Variants in DYNC2LI1 observed in about 807,000 individuals in gnomAD.
DYNC2LI1 encodes dynein cytoplasmic 2 light intermediate chain 1.
A neutral mutation model predicts 51.9 loss-of-function variants in DYNC2LI1; 45 were observed. That is an observed-to-expected ratio of 0.87 (90% confidence interval 0.68 to 1.11). DYNC2LI1 has a LOEUF of 1.11. DYNC2LI1 is among the 50% of genes most tolerant of loss of function. DYNC2LI1 has a pLI of 0.00. For missense variants in DYNC2LI1, 490 were observed against 417.4 expected, an observed-to-expected ratio of 1.17 and a Z score of -1.51; for synonymous variants, 130 against 137.8, an observed-to-expected ratio of 0.94 and a Z score of 0.40.
At chr2:43,793,868 T>C (rs1218414795) in intron 5 of DYNC2LI1, 2 of 152,900 alleles carry the variant, frequency 1.3e-5, no homozygotes, top group Non-Finnish European at 2.9e-5. Context: ...AGGAGTGTGC[T>C]TTCAGAGAGA....
At chr2:43,796,323 A>T (rs1266707593) in intron 7 of DYNC2LI1, among the ~76,000 whole-genome samples, 1 of 146,198 alleles carries the variant, frequency 6.8e-6, no homozygotes, top group South Asian at 2.1e-4. Context: ...ACACAGTGAG[A>T]CACTTGTCTC....
chr2:43,815,125 G>A, the DYNC2LI1 span, among the ~76,000 whole-genome samples: 1 of 152,178 alleles, frequency 6.6e-6, no homozygotes, highest in African/African-American at 2.4e-5. Flanking sequence ...AGGTACCAAC[G>A]TAGAAAGTTA....
At chr2:43,824,892 A>G in the DYNC2LI1 span, 4 of 1,614,038 alleles carry the variant, frequency 2.5e-6, no homozygotes, top group Admixed American at 6.7e-5. Context: ...AACTTACTAT[A>G]GAAGTCAAAA....
At chr2:43,814,472 C>G (rs766272756), downstream of DYNC2LI1, 1 of 1,572,220 alleles carries the variant, frequency 6.4e-7, no homozygotes, top group Non-Finnish European at 8.8e-7. Flanking sequence ...AAATAGAATA[C>G]TTACCACAAG....
Position 43,800,351 on chromosome 2 carries a change from G to A in DYNC2LI1, c.655-490G>A, listed in dbSNP as rs1009560041. On this transcript the variant is annotated intron_variant, in intron 8 of 12. Transcript: ENST00000260605. ...TAAAAAATTACCTTAGTGAGTATCAGCATCATTAGACCAGTCTGCAGTCCC... is the reference window on the plus strand; with the variant it reads ...TAAAAAATTACCTTAGTGAGTATCAACATCATTAGACCAGTCTGCAGTCCC... 3.9e-5 allele frequency among the ~76,000 whole-genome samples: 6 copies of A among 152,188 alleles called. No homozygotes were observed. The South Asian group carries it at 1.2e-3, about 31-fold the overall frequency.
chr2:43,781,733 G>A (rs1002807193), intron 2 of DYNC2LI1: 2 of 151,232 alleles, frequency 1.3e-5, no homozygotes, highest in African/African-American at 4.9e-5. Context: ...CTCCCAAGTT[G>A]CTGGGACTGC....
At chr2:43,785,104 C>T (rs1478789553) in intron 3 of DYNC2LI1, among the ~76,000 whole-genome samples, 1 of 151,900 alleles carries the variant, frequency 6.6e-6, no homozygotes, top group African/African-American at 2.4e-5. Context: ...TCAAGACCAG[C>T]TTGGCCAACA....
At chr2:43,796,642 C>G (rs1674049141) in intron 7 of DYNC2LI1, 76 bp from the exon 8 acceptor site, 2 of 1,058,422 alleles carry the variant, frequency 1.9e-6, no homozygotes, top group East Asian at 2.5e-5. Context: ...ATAATCTATT[C>G]TACATTTAAT....
chr2:43,802,842 G>C (rs1436035720), intron 10 of DYNC2LI1, among the ~76,000 whole-genome samples: 1 of 152,142 alleles, frequency 6.6e-6, no homozygotes, highest in Admixed American at 6.5e-5. Context: ...AATCCAATTA[G>C]AAAGTGGGCA....
At chr2:43,795,573 A>G (rs1037721616) in intron 6 of DYNC2LI1, among the ~76,000 whole-genome samples, 3 of 152,184 alleles carry the variant, frequency 2.0e-5, no homozygotes, top group Non-Finnish European at 4.4e-5. Flanking sequence ...TGCTGGATAA[A>G]TGCTGTTCCA....
intron 8 of DYNC2LI1, among the ~76,000 whole-genome samples, chr2:43,798,234 A>G (rs1183539632): frequency 1.3e-5 from 2 of 152,230 alleles, no homozygotes; most frequent in Non-Finnish European, 2.9e-5. Flanking sequence ...TCATGGCTAG[A>G]ATATTTTAAC....
At chr2:43,827,406 AACAGGCCGTCCTGGTCT>A in the DYNC2LI1 span, among the ~76,000 whole-genome samples, 1 of 152,094 alleles carries the variant, frequency 6.6e-6, no homozygotes, top group Non-Finnish European at 1.5e-5. Flanking sequence ...CCATTTGAAG[AACAGGCCGTCCTGGTCT>A]ACCACAGTGC....
chr2:43,799,683 C>T (rs1192813448), intron 8 of DYNC2LI1, among the ~76,000 whole-genome samples: 1 of 152,174 alleles, frequency 6.6e-6, no homozygotes, highest in Non-Finnish European at 1.5e-5. Context: ...GTGATTGATG[C>T]AGCAGATGGA....
At chr2:43,788,255 A>G (rs1336003706) in intron 4 of DYNC2LI1, among the ~76,000 whole-genome samples, 1 of 152,250 alleles carries the variant, frequency 6.6e-6, no homozygotes, top group Non-Finnish European at 1.5e-5. Context: ...TGATTCAAAT[A>G]TGAACAGCCA....
the DYNC2LI1 span, chr2:43,822,400 G>C: frequency 8.6e-6 from 4 of 465,032 alleles, no homozygotes; most frequent in Non-Finnish European, 5.6e-6. Flanking sequence ...CTCCTCTGTT[G>C]GTTGCTGTCC....
At chr2:43,824,031 G>A in the DYNC2LI1 span, 5 of 1,614,094 alleles carry the variant, frequency 3.1e-6, no homozygotes, top group South Asian at 4.4e-5. Context: ...GCAGAACGAA[G>A]AAAAGGAGGA....
chr2:43,820,263 T>C, the DYNC2LI1 span, among the ~76,000 whole-genome samples: 1 of 152,222 alleles, frequency 6.6e-6, no homozygotes, highest in Non-Finnish European at 1.5e-5. Flanking sequence ...GGAGTCAACA[T>C]GAGACTATTT....
intron 3 of DYNC2LI1, among the ~76,000 whole-genome samples, chr2:43,783,768 A>G (rs1673397052): frequency 6.6e-6 from 1 of 152,212 alleles, no homozygotes; most frequent in Non-Finnish European, 1.5e-5. Flanking sequence ...GGATTTCCCT[A>G]TTTGAGGGAG....
At chr2:43,812,927 A>G, downstream of DYNC2LI1, 1 of 599,106 alleles carries the variant, frequency 1.7e-6, no homozygotes. Context: ...TGTAAGAGCA[A>G]GGGACTATAA....
Sources: allele counts gnomAD v4.1 joint callset (sites outside exome capture counted in the v4.1 genomes callset), GRCh38; gene constraint gnomAD v4.1.1; transcripts MANE v1.5; gene names NCBI Gene and HGNC (gene_info 2026-07-23, HGNC 2026-07-21).